HERPUD1: variants seen among roughly 807,000 people sequenced by gnomAD.
HERPUD1 encodes the protein homocysteine-responsive endoplasmic reticulum-resident ubiquitin-like domain member 1 protein.
In HERPUD1, 17 loss-of-function variants were observed where a neutral mutation model predicts 45.0. The ratio of observed to expected loss-of-function variants is 0.38; its 90% CI spans 0.26 to 0.57. The LOEUF is 0.57. Among genes scored for constraint, HERPUD1 ranks in the 20% least tolerant of loss-of-function variants. The pLI is 0.72. For missense variants in HERPUD1, 420 were observed against 490.5 expected, an observed-to-expected ratio of 0.86 and a Z score of 1.36; for synonymous variants, 164 against 177.5, an observed-to-expected ratio of 0.92 and a Z score of 0.61.
At chr16:56,942,902 G>C (rs2055921890) in intron 7 of HERPUD1, among the ~76,000 whole-genome samples, 1 of 152,234 alleles carries the variant, frequency 6.6e-6, no homozygotes, top group African/African-American at 2.4e-5. Context: ...GCTGCCAGGA[G>C]CAGTCAAAAC....
chr16:56,943,713 A>G lies in HERPUD1; in HGVS notation c.*423A>G, dbSNP rs2055929979. On this transcript the variant is annotated 3_prime_UTR_variant, in exon 8 of 8. Transcript: ENST00000439977. ...AATTACACTAAGTGTACTACTTTAT[A>G]TAATCAATGAAATTGCTAGACATGT... is the stretch of plus-strand genomic sequence containing the variant. The G allele has an allele frequency of 1.1e-5, 3 of 269,932 alleles. No individual in the cohort carries two copies. Among genetic ancestry groups the G allele is most frequent in the South Asian group, 8.0e-5 (1 of 12,470 alleles). 16.7% of individuals were successfully genotyped at this position (269,932 alleles called of 1,614,324 possible).
At chr16:56,936,884 A>G in intron 4 of HERPUD1, 67 bp downstream of exon 4, 1 of 1,565,760 alleles carries the variant, frequency 6.4e-7, no homozygotes, top group Middle Eastern at 1.7e-4. Flanking sequence ...CAATTTAAGA[A>G]TAAGGTATGT....
chr16:56,937,214 G>A (rs2055873748), intron 4 of HERPUD1: 1 of 155,012 alleles, frequency 6.5e-6, no homozygotes, highest in Admixed American at 6.5e-5. Context: ...ACAAGGGAGA[G>A]ACTGTTTAAG....
At chr16:56,936,582 G>A (rs2055867947) in intron 3 of HERPUD1, 105 bp from the exon 4 acceptor site, 4 of 1,012,494 alleles carry the variant, frequency 4.0e-6, no homozygotes, top group Non-Finnish European at 5.4e-6. Context: ...GTTCAGAGGT[G>A]GGGGGTAGGA....
chr16:56,932,510 C>G lies in HERPUD1; in HGVS notation c.147+119C>G, dbSNP rs1239301587. 7.4e-6 allele frequency: 7 copies of G among 940,148 alleles called. No individual in the cohort carries two copies. The African/African-American group carries it at 1.2e-4, about 16-fold the overall frequency. 58.2% of individuals were successfully genotyped at this position (940,148 alleles called of 1,614,324 possible). ...CCGCTGACGGCTGCGATCGCTCGGCCGGTCACCTCCCCCAGGGCTGTGGTC... is the reference window on the plus strand; with the variant it reads ...CCGCTGACGGCTGCGATCGCTCGGCGGGTCACCTCCCCCAGGGCTGTGGTC... On this transcript the variant is annotated intron_variant, in intron 1 of 7. Transcript: ENST00000439977.
In HERPUD1 at chr16:56,944,521, C is replaced by T. The variant is rs4471669; in HGVS notation, c.*1231C>T. On this transcript the variant is annotated 3_prime_UTR_variant, in exon 8 of 8. Transcript: ENST00000439977. The stretch of plus-strand genomic sequence containing the variant: ...CACTCTGTTGCCCAGGCTGGAGTGC[C>T]GTGGCGCGATCTCGGCTCACTGCAA... 0.3 allele frequency: 45,208 copies of T among 151,740 alleles called. 6,930 individuals are homozygous for T. The highest frequency in any genetic ancestry group is 0.41 in the Middle Eastern group (122 of 296). The allele number at this position is 151,740 out of a possible 1,614,324, so 9.4% of individuals were successfully genotyped here. A position where few individuals can be genotyped will look rare whatever the true frequency, so the allele number is the denominator to read the frequency against.
At chr16:56,935,713 A>G (rs1260465215) in intron 3 of HERPUD1, 11 of 532,478 alleles carry the variant, frequency 2.1e-5, no homozygotes, top group Admixed American at 1.3e-4. Context: ...GCACTATCTT[A>G]TGGGATATGA....
At position 56,943,844 on chromosome 16, in the gene HERPUD1, G is replaced by C. The variant is rs990040775; in HGVS notation, c.*554G>C. The C allele has an allele frequency of 6.9e-5, 14 of 203,450 alleles. No homozygotes were observed. The highest frequency in any genetic ancestry group is 3.3e-4 in the African/African-American group (14 of 43,030). 12.6% of individuals were successfully genotyped at this position (203,450 alleles called of 1,614,324 possible). On this transcript the variant is annotated 3_prime_UTR_variant, in exon 8 of 8. Coordinates refer to ENST00000439977, the MANE Select transcript of HERPUD1 (RefSeq NM_014685.4). ...TTGCGGAGGTGAAAACCTTTGCTGG[G>C]TTTTCTGTTCAATAAAGTTTTACTA...
chr16:56,936,581 T>G (rs1412846971), intron 3 of HERPUD1, 106 bp from the exon 4 acceptor site: 11 of 1,004,398 alleles, frequency 1.1e-5, no homozygotes, highest in Non-Finnish European at 1.4e-5. Flanking sequence ...CGTTCAGAGG[T>G]GGGGGGTAGG....
intron 1 of HERPUD1, among the ~76,000 whole-genome samples, chr16:56,933,950 C>A (rs2055845876): frequency 6.6e-6 from 1 of 152,166 alleles, no homozygotes; most frequent in Non-Finnish European, 1.5e-5. Flanking sequence ...CTTTAAAGTT[C>A]TCATCCGTCA....
In HERPUD1 at chr16:56,940,191, A is replaced by T. The variant is rs1276040145; in HGVS notation, c.851A>T (p.Tyr284Phe). 6.2e-7 allele frequency: 1 copy of T among 1,613,588 alleles called. No homozygotes were observed. The highest frequency in any genetic ancestry group is 2.2e-5 in the East Asian group (1 of 44,876). The change falls in exon 6 of 8, where the codon TAC becomes TTC. Residue 284 changes from tyrosine (Y) to phenylalanine (F), a missense_variant. Transcript: ENST00000439977. ...FSVFLSILYFYSSLSRFLMVM... is the reference protein window; with the variant it reads ...FSVFLSILYFFSSLSRFLMVM... The stretch of plus-strand genomic sequence containing the variant: ...GTTTTTCTCAGTATCCTCTACTTCT[A>T]CTCCTCCCTGAGCAGATTCCTCATG...
At chr16:56,937,548 C>T (rs1180333006) in intron 4 of HERPUD1, 1 of 151,830 alleles carries the variant, frequency 6.6e-6, no homozygotes, top group Non-Finnish European at 1.5e-5. Flanking sequence ...ATAATTAATC[C>T]CCACACCATC....
chr16:56,932,395 A>G lies in HERPUD1; in HGVS notation c.147+4A>G. On this transcript the variant is annotated splice_donor_region_variant and intron_variant, in intron 1 of 7. Coordinates refer to ENST00000439977, the MANE Select transcript of HERPUD1 (RefSeq NM_014685.4). ...CCGCGTCTACCCCGAGCGTCCGGTGAGAGCGGCCCCGACTTCCCGCCCCTA... is the reference window on the plus strand; with the variant it reads ...CCGCGTCTACCCCGAGCGTCCGGTGGGAGCGGCCCCGACTTCCCGCCCCTA... 4.5e-6 allele frequency: 7 copies of G among 1,572,438 alleles called. No homozygotes were observed. Among genetic ancestry groups the G allele is most frequent in the Non-Finnish European group, 6.0e-6 (7 of 1,164,166 alleles).
Position 56,943,173 on chromosome 16 carries a change from C to T in HERPUD1, c.1059C>T (p.Asp353=), listed in dbSNP as rs779475584. The T allele has an allele frequency of 3.1e-6, 5 of 1,614,054 alleles. No individual in the cohort carries two copies. The highest frequency in any genetic ancestry group is 3.3e-5 in the Admixed American group (2 of 60,006). The change falls in exon 8 of 8, where the codon GAC becomes GAT. Residue 353 remains aspartate, a synonymous_variant. Transcript: ENST00000439977. ...AAGACCCCAACCACCTCCCTCCAGACAGGGATGTACTAGATGGCGAGCAGA... is the reference window on the plus strand; with the variant it reads ...AAGACCCCAACCACCTCCCTCCAGATAGGGATGTACTAGATGGCGAGCAGA... ...ETEDPNHLPP[D]RDVLDGEQTS... is the part of the protein sequence containing the mutation.
At chr16:56,933,068 G>T in intron 1 of HERPUD1, 1 of 331,502 alleles carries the variant, frequency 3.0e-6, no homozygotes, top group Non-Finnish European at 5.9e-6. Context: ...TGACACATCT[G>T]TCAACATCAC....
chr16:56,932,770 G>A (rs556506114), intron 1 of HERPUD1, among the ~76,000 whole-genome samples: 1 of 152,370 alleles, frequency 6.6e-6, no homozygotes, highest in East Asian at 1.9e-4. Context: ...GAGCGGGCAG[G>A]TGCCACCCGG....
Position 56,936,777 on chromosome 16 carries a change from C to T in HERPUD1, c.391C>T (p.Leu131Phe). 1.2e-6 allele frequency: 2 copies of T among 1,614,052 alleles called. No homozygotes were observed. The highest frequency in any genetic ancestry group is 1.7e-6 in the Non-Finnish European group (2 of 1,179,966). Residue 131 changes from leucine (L) to phenylalanine (F), a missense_variant, in exon 4 of 8, where the codon CTT becomes TTT. Transcript: ENST00000439977. ...TGATGGTTTAAGGCAAAGGGAAGTT[C>T]TTCGGAACCTTTCTTCCCCTGGATG... The part of the protein sequence containing the change: ...SSDGLRQREV[L>F]RNLSSPGWEN...
At chr16:56,932,471 C>A in intron 1 of HERPUD1, 80 bp downstream of exon 1, 1 of 1,258,586 alleles carries the variant, frequency 7.9e-7, no homozygotes, top group Non-Finnish European at 1.1e-6. Flanking sequence ...GCTGCCCTGT[C>A]CTGTGGCCTC....
intron 7 of HERPUD1, among the ~76,000 whole-genome samples, chr16:56,942,729 C>T (rs777299917): frequency 6.6e-6 from 1 of 152,162 alleles, no homozygotes; most frequent in Non-Finnish European, 1.5e-5. Context: ...CCTGTATTCT[C>T]AGCTGCTAGG....
Sources: gnomAD v4.1 joint callset for allele counts (sites outside exome capture counted in the v4.1 genomes callset) on GRCh38, gnomAD v4.1.1 for gene constraint, MANE v1.5 for transcripts, NCBI Gene and HGNC (gene_info 2026-07-23, HGNC 2026-07-21) for gene names.